Variants in PTPRG observed in about 807,000 individuals in gnomAD.
PTPRG encodes the protein receptor-type tyrosine-protein phosphatase gamma.
Under a neutral mutation model 165.3 loss-of-function variants are expected in PTPRG, and 102 were observed. The observed-to-expected ratio is 0.62, with a 90% CI of 0.53 to 0.73. PTPRG has a LOEUF of 0.73. PTPRG is among the 30% of genes least tolerant of loss of function. The pLI is 0.00. For missense variants in PTPRG, 1,866 were observed against 1,861.4 expected (o/e 1.00, Z -0.05); for synonymous variants, 675 against 669.5 (o/e 1.01, Z -0.13).
intron 4 of PTPRG, among the ~76,000 whole-genome samples, chr3:62,067,788 A>C (rs1211021881): frequency 6.6e-6 from 1 of 152,134 alleles, no homozygotes; most frequent in African/African-American, 2.4e-5. Flanking sequence ...AATGTGAGCT[A>C]TGAGGAGCAG....
rs1048996582 is a variant in PTPRG at position 61,809,014 on chromosome 3, C to G, written c.190+60032C>G. ...TTGTGACCTTGAGCAGATGACTTAACTTTGCCACATTTTTTTCTTTTCTTG... is the reference window on the plus strand; with the variant it reads ...TTGTGACCTTGAGCAGATGACTTAAGTTTGCCACATTTTTTTCTTTTCTTG... On this transcript the variant is annotated intron_variant, in intron 2 of 29. Coordinates refer to ENST00000474889, the MANE Select transcript of PTPRG (RefSeq NM_002841.4). 2.0e-5 allele frequency among the ~76,000 whole-genome samples: 3 copies of G among 149,440 alleles called. No homozygotes were observed. The Admixed American group carries it at 2.0e-4, about 10-fold the overall frequency.
At chr3:61,797,853 C>G (rs1009699865) in intron 2 of PTPRG, among the ~76,000 whole-genome samples, 1 of 149,514 alleles carries the variant, frequency 6.7e-6, no homozygotes, top group Non-Finnish European at 1.5e-5. Context: ...TTTTTAATGT[C>G]AAAAAGAAGG....
At chr3:61,700,164 A>G (rs1382741656) in intron 1 of PTPRG, among the ~76,000 whole-genome samples, 1 of 152,186 alleles carries the variant, frequency 6.6e-6, no homozygotes, top group Non-Finnish European at 1.5e-5. Flanking sequence ...AAGGATTGCC[A>G]TATGCTGCTA....
At chr3:62,088,529 C>G (rs1391732564) in intron 5 of PTPRG, among the ~76,000 whole-genome samples, 1 of 152,216 alleles carries the variant, frequency 6.6e-6, no homozygotes, top group Non-Finnish European at 1.5e-5. Context: ...ATATTTAAAT[C>G]TGCCCTATTC....
intron 2 of PTPRG, among the ~76,000 whole-genome samples, chr3:61,889,896 A>T (rs988264772): frequency 6.6e-6 from 1 of 152,216 alleles, no homozygotes; most frequent in Non-Finnish European, 1.5e-5. Context: ...ACCAACTTAT[A>T]ATACAGAGAC....
At chr3:61,695,877 TATATACTAA>T (rs569585086) in intron 1 of PTPRG, among the ~76,000 whole-genome samples, 60 of 152,330 alleles carry the variant, frequency 3.9e-4, no homozygotes, top group Non-Finnish European at 7.6e-4. Flanking sequence ...TACTGTATAC[TATATACTAA>T]ATATACATTA....
chr3:62,180,696 C>A (rs1264895655), intron 8 of PTPRG, among the ~76,000 whole-genome samples: 4 of 152,222 alleles, frequency 2.6e-5, no homozygotes, highest in African/African-American at 9.6e-5. Flanking sequence ...TCATCCTGAA[C>A]TTTGTCACCT....
At chr3:61,705,584 G>A (rs530865717) in intron 1 of PTPRG, among the ~76,000 whole-genome samples, 28 of 152,278 alleles carry the variant, frequency 1.8e-4, no homozygotes, top group African/African-American at 6.3e-4. Flanking sequence ...AGGAGTAGGA[G>A]GTGTATAACT....
intron 2 of PTPRG, among the ~76,000 whole-genome samples, chr3:61,840,010 A>G (rs1432870295): frequency 1.3e-5 from 2 of 152,278 alleles, no homozygotes; most frequent in African/African-American, 2.4e-5. Context: ...GAATTCATGG[A>G]GTCTTGGAAT....
intron 2 of PTPRG, among the ~76,000 whole-genome samples, chr3:61,798,809 G>C (rs780872203): frequency 7.2e-5 from 11 of 152,006 alleles, no homozygotes; most frequent in Non-Finnish European, 1.5e-4. Context: ...GAAATGTTCT[G>C]CTTTTGTGGA....
At chr3:62,218,438 C>T (rs1285141233) in intron 12 of PTPRG, among the ~76,000 whole-genome samples, 1 of 152,150 alleles carries the variant, frequency 6.6e-6, no homozygotes, top group Non-Finnish European at 1.5e-5. Context: ...GCCCTCTTGC[C>T]CTTGCCCTAG....
chr3:61,717,332 C>T (rs2031852039), intron 1 of PTPRG, among the ~76,000 whole-genome samples: 2 of 152,200 alleles, frequency 1.3e-5, no homozygotes, highest in Admixed American at 6.5e-5. Context: ...TCCCATTTTA[C>T]AGATGAGGAA....
At chr3:62,113,752 C>T (rs1432722803) in intron 5 of PTPRG, among the ~76,000 whole-genome samples, 3 of 152,180 alleles carry the variant, frequency 2.0e-5, no homozygotes, top group Non-Finnish European at 4.4e-5. Context: ...AACGAAACTA[C>T]TATAAAGTGG....
chr3:61,717,841 T>C (rs2031871984), intron 1 of PTPRG, among the ~76,000 whole-genome samples: 1 of 151,944 alleles, frequency 6.6e-6, no homozygotes, highest in Admixed American at 6.6e-5. Flanking sequence ...TTGTAGGTAT[T>C]AGAACATATT....
At chr3:62,144,911 G>A (rs775596022) in intron 6 of PTPRG, among the ~76,000 whole-genome samples, 2 of 152,052 alleles carry the variant, frequency 1.3e-5, no homozygotes, top group African/African-American at 2.4e-5. Flanking sequence ...TTCTCATTCA[G>A]CCTGCCTTGT....
chr3:62,068,270 A>T (rs557914355), intron 4 of PTPRG, among the ~76,000 whole-genome samples: 20 of 152,122 alleles, frequency 1.3e-4, no homozygotes, highest in Non-Finnish European at 2.8e-4. Context: ...CTCAGGGGAA[A>T]GGGTAGGCAG....
At chr3:61,844,363 T>G (rs2036744170) in intron 2 of PTPRG, among the ~76,000 whole-genome samples, 1 of 152,228 alleles carries the variant, frequency 6.6e-6, no homozygotes, top group Admixed American at 6.5e-5. Context: ...CACTTAAATT[T>G]GAATTTTATC....
chr3:62,124,208 C>T lies in PTPRG; in HGVS notation c.616-8394C>T, dbSNP rs547714361. 15 of 926,108 alleles carry T rather than the reference C, an allele frequency of 1.6e-5. No individual in the cohort carries two copies. The East Asian group carries it at 3.4e-4, about 21-fold the overall frequency. 57.4% of individuals were successfully genotyped at this position (926,108 alleles called of 1,614,324 possible). Reference sequence around the variant, plus strand: ...AAAAAAAGAAGTCATGATTATTCAGCCACACAGTGCTTTCCTGTCATTTGA... The same window carrying T: ...AAAAAAAGAAGTCATGATTATTCAGTCACACAGTGCTTTCCTGTCATTTGA... On this transcript the variant is annotated intron_variant, in intron 5 of 29. Coordinates refer to ENST00000474889, the MANE Select transcript of PTPRG (RefSeq NM_002841.4).
intron 1 of PTPRG, among the ~76,000 whole-genome samples, chr3:61,653,895 G>GC (rs1553644916): frequency 0.24 from 16,877 of 71,200 alleles, 1,576 homozygotes; most frequent in Admixed American, 0.32. Flanking sequence ...TAAGCGGGGA[G>GC]CGGTGGGGGG....
Sources: allele counts gnomAD v4.1 joint callset (sites outside exome capture counted in the v4.1 genomes callset), GRCh38; gene constraint gnomAD v4.1.1; transcripts MANE v1.5; gene names NCBI Gene and HGNC (gene_info 2026-07-23, HGNC 2026-07-21).